The following FAM186B variants were observed in gnomAD, a reference collection of about 807,000 sequenced individuals.
FAM186B encodes family with sequence similarity 186 member B, also known as protein FAM186B.
In FAM186B, 68 loss-of-function variants were observed where a neutral mutation model predicts 83.4. The observed-to-expected ratio is 0.81, with a 90% CI of 0.67 to 1.00. The LOEUF is 1.00. FAM186B is among the 50% of genes least tolerant of loss of function. FAM186B has a pLI of 0.00. For synonymous variants in FAM186B, 389 were observed against 422.0 expected, an observed-to-expected ratio of 0.92 and a Z score of 0.96; for missense variants, 983 against 1,099.2, an observed-to-expected ratio of 0.89 and a Z score of 1.49.
chr12:49,611,935 C>T, the FAM186B span, among the ~76,000 whole-genome samples: 1 of 151,898 alleles, frequency 6.6e-6, no homozygotes, highest in East Asian at 1.9e-4. Context: ...GACAAGCGTG[C>T]TAAGGGAATT....
At chr12:49,587,137 C>T (rs1939462441), downstream of FAM186B, among the ~76,000 whole-genome samples, 1 of 152,180 alleles carries the variant, frequency 6.6e-6, no homozygotes, top group African/African-American at 2.4e-5. Flanking sequence ...CCTGGAGTCC[C>T]ACCTCTGTCC....
chr12:49,612,804 A>G, the FAM186B span, among the ~76,000 whole-genome samples: 9 of 152,216 alleles, frequency 5.9e-5, no homozygotes, highest in Admixed American at 1.3e-4. Context: ...TAACACCCCA[A>G]TGACAGCATT....
downstream of FAM186B, chr12:49,582,970 A>G (rs1484642191): frequency 1.3e-5 from 6 of 450,248 alleles, no homozygotes; most frequent in Non-Finnish European, 2.7e-5. Flanking sequence ...AGAAGATGAA[A>G]TTGTTACCAA....
chr12:49,618,262 T>C, the FAM186B span, among the ~76,000 whole-genome samples: 2 of 152,044 alleles, frequency 1.3e-5, no homozygotes, highest in East Asian at 3.9e-4. Context: ...GGAGAATCAC[T>C]TGAACCAGGG....
chr12:49,582,995 G>A (rs1939367944), downstream of FAM186B: 1 of 454,736 alleles, frequency 2.2e-6, no homozygotes, highest in African/African-American at 2.0e-5. Flanking sequence ...GGAGAAGAAT[G>A]TCAGACACTC....
At chr12:49,609,932 A>C (rs1399799591), upstream of FAM186B, among the ~76,000 whole-genome samples, 1 of 152,234 alleles carries the variant, frequency 6.6e-6, no homozygotes, top group East Asian at 1.9e-4. Flanking sequence ...AGCTTCTGCC[A>C]GTAAACAAGG....
downstream of FAM186B, chr12:49,583,053 T>TC (rs750369275): frequency 6.6e-6 from 3 of 456,242 alleles, no homozygotes; most frequent in South Asian, 4.6e-5. Flanking sequence ...AAGGTCAAAG[T>TC]CCTCCATCAC....
At position 49,588,527 on chromosome 12, in the gene FAM186B, G is replaced by A. The variant is rs149783745; in HGVS notation, c.2461C>T (p.Arg821Cys). ...TGCTTGTAGGTGGGGCCACTGGGGCGGATGTGCCGGGGTGAGGCTGCAGGC... is the reference window on the plus strand; with the variant it reads ...TGCTTGTAGGTGGGGCCACTGGGGCAGATGTGCCGGGGTGAGGCTGCAGGC... ...KLPAASPRHIRPSGPTYKQPF... is the reference protein window; with the variant it reads ...KLPAASPRHICPSGPTYKQPF... Residue 821 changes from arginine (R) to cysteine (C), a missense_variant, in exon 6 of 7, where the codon CGC becomes TGC. Coordinates refer to ENST00000257894, the MANE Select transcript of FAM186B (RefSeq NM_032130.3). 26 of 1,613,408 alleles carry A rather than the reference G, an allele frequency of 1.6e-5. No individual in the cohort carries two copies. In the East Asian group the frequency reaches 2.2e-4, roughly 14 times the overall value.
chr12:49,618,492 T>C, the FAM186B span, among the ~76,000 whole-genome samples: 3 of 151,108 alleles, frequency 2.0e-5, no homozygotes, highest in South Asian at 6.3e-4. Flanking sequence ...AAGAATCTAA[T>C]ATAGAAGACA....
Position 49,605,454 on chromosome 12 carries a change from C to G in FAM186B, c.24G>C (p.Gln8His), listed in dbSNP as rs770539839. 2 of 1,613,734 alleles carry G rather than the reference C, an allele frequency of 1.2e-6. No individual in the cohort carries two copies. Among genetic ancestry groups the G allele is most frequent in the African/African-American group, 2.7e-5 (2 of 74,936 alleles). The change falls in exon 1 of 7, where the codon CAG becomes CAC. Residue 8 changes from glutamine to histidine, a missense_variant. Gln to His is a conservative substitution (Grantham distance 24). Coordinates refer to ENST00000257894, the MANE Select transcript of FAM186B (RefSeq NM_032130.3). Reference sequence around the variant, plus strand: ...CTTTCACTGATGTGGGAGTCACCAACTGTGGGGGGTCATCCTTCTCCATTT... The same window carrying G: ...CTTTCACTGATGTGGGAGTCACCAAGTGTGGGGGGTCATCCTTCTCCATTT... The part of the protein sequence containing the change: MEKDDPP[Q>H]LVTPTSVKAI...
At chr12:49,613,361 A>G in the FAM186B span, among the ~76,000 whole-genome samples, 4 of 151,124 alleles carry the variant, frequency 2.6e-5, no homozygotes, top group African/African-American at 9.7e-5. Flanking sequence ...CCCCATCTCT[A>G]CTAAAAATAC....
Position 49,599,936 on chromosome 12 carries a change from G to C in FAM186B, c.1704C>G (p.Asp568Glu), listed in dbSNP as rs373354688. 6.2e-7 allele frequency: 1 copy of C among 1,613,836 alleles called. No individual in the cohort carries two copies. The highest frequency in any genetic ancestry group is 8.5e-7 in the Non-Finnish European group (1 of 1,179,922). Residue 568 changes from aspartate (D) to glutamate (E), a missense_variant, in exon 4 of 7, where the codon GAC (aspartate) becomes GAG (glutamate). Physicochemically the swap from Asp to Glu is conservative, Grantham distance 45 (BLOSUM62 2). Coordinates refer to ENST00000257894, the MANE Select transcript of FAM186B (RefSeq NM_032130.3). ...RIFTPTSRWR[D>E]LEKAELSLVP... ...CTAATGATAGCTCTGCCTTCTCCAA[G>C]TCCCTCCATCGACTGGTGGGTGTGA...
chr12:49,603,997 C>A (rs1003009986), intron 2 of FAM186B, among the ~76,000 whole-genome samples: 3 of 152,204 alleles, frequency 2.0e-5, no homozygotes, highest in Non-Finnish European at 2.9e-5. Context: ...CAGTAAAGGT[C>A]ATTCAGTGCT....
chr12:49,620,396 G>A, the FAM186B span, among the ~76,000 whole-genome samples: 1 of 152,110 alleles, frequency 6.6e-6, no homozygotes, highest in Non-Finnish European at 1.5e-5. Flanking sequence ...GAGGCTGGGC[G>A]CGGTGGCTCA....
At chr12:49,610,485 C>G (rs539010813), upstream of FAM186B, among the ~76,000 whole-genome samples, 24 of 152,278 alleles carry the variant, frequency 1.6e-4, 1 homozygote, top group Middle Eastern at 0.014. Context: ...ATAAATCAGT[C>G]AGAGCTTCTG....
Position 49,592,092 on chromosome 12 carries a change from G to A in FAM186B, c.2365-3469C>T, listed in dbSNP as rs576828286. ...GTATGACAACAGTAGGACAAAGGCC[G>A]GGAGGGAAGAAATAGATGTATACTA... On this transcript the variant is annotated intron_variant, in intron 5 of 6. Transcript: ENST00000257894. Among the ~76,000 whole-genome samples the A allele has an allele frequency of 7.9e-4, 121 of 152,266 alleles. 1 individual carries two copies. In the South Asian group the frequency reaches 0.023, roughly 29 times the overall value.
Position 49,600,703 on chromosome 12 carries a change from C to G in FAM186B, c.937G>C (p.Ala313Pro). Residue 313 changes from alanine (A) to proline (P), a missense_variant, in exon 4 of 7, where the codon GCC becomes CCC. Coordinates refer to ENST00000257894, the MANE Select transcript of FAM186B (RefSeq NM_032130.3). The surrounding 1 kb of genome is among the most constrained non-coding windows in gnomAD (Gnocchi z 4.3). Reference sequence around the variant, plus strand: ...GCCTTCTTCAGCTGGAACTCCAAGGCCTGCTTCATCAGGAGAAGGTCATGG... The same window carrying G: ...GCCTTCTTCAGCTGGAACTCCAAGGGCTGCTTCATCAGGAGAAGGTCATGG... Reference protein sequence around the residue: ...RYHDLLLMKQALEFQLKKAQN... With the variant: ...RYHDLLLMKQPLEFQLKKAQN... 6.2e-7 allele frequency: 1 copy of G among 1,614,168 alleles called. No individual in the cohort carries two copies. The highest frequency in any genetic ancestry group is 8.5e-7 in the Non-Finnish European group (1 of 1,180,036).
Position 49,603,215 on chromosome 12 carries a change from G to A in FAM186B, c.475C>T (p.Leu159Phe). ...IESLTALCST[L>F]IEGQKKRSQV... Reference sequence around the variant, plus strand: ...GACCTTTTCTTTTGTCCTTCAATGAGAGTGGAGCAAAGGGCAGTGAGTGAC... The same window carrying A: ...GACCTTTTCTTTTGTCCTTCAATGAAAGTGGAGCAAAGGGCAGTGAGTGAC... The change falls in exon 3 of 7, where the codon CTC (leucine) becomes TTC (phenylalanine). Residue 159 changes from leucine (L) to phenylalanine (F), a missense_variant. Physicochemically the swap from Leu to Phe is conservative, Grantham distance 22 (BLOSUM62 0). Transcript: ENST00000257894. The A allele has an allele frequency of 6.2e-6, 10 of 1,614,238 alleles. No homozygotes were observed. The highest frequency in any genetic ancestry group is 8.5e-6 in the Non-Finnish European group (10 of 1,180,058).
At chr12:49,604,581 G>C (rs144184495) in intron 1 of FAM186B, 43 bp from the exon 2 acceptor site, 2 of 1,555,104 alleles carry the variant, frequency 1.3e-6, no homozygotes, top group Admixed American at 1.7e-5. Context: ...CTGTGGACTT[G>C]AGCCAGAAGC....
Sources: gnomAD v4.1 joint callset for allele counts (sites outside exome capture counted in the v4.1 genomes callset) on GRCh38, gnomAD v4.1.1 for gene constraint, Gnocchi (gnomAD v3.1) non-coding constraint, MANE v1.5 for transcripts, NCBI Gene and HGNC (gene_info 2026-07-23, HGNC 2026-07-21) for gene names.